CFDP1: variants seen among roughly 807,000 people sequenced by gnomAD.
The protein encoded by CFDP1 is heterochromatin-stabilizing protein CFDP1.
A neutral mutation model predicts 40.1 loss-of-function variants in CFDP1; 31 were observed. The observed-to-expected ratio is 0.77, with a 90% CI of 0.58 to 1.04. The LOEUF is 1.04. CFDP1 is among the 50% of genes least tolerant of loss of function. The pLI, the probability that CFDP1 is intolerant of heterozygous loss-of-function variation, is 0.00. For synonymous variants in CFDP1, 167 were observed against 120.0 expected, an observed-to-expected ratio of 1.39 and a Z score of -2.56; for missense variants, 423 against 343.4, an observed-to-expected ratio of 1.23 and a Z score of -1.83.
intron 5 of CFDP1, among the ~76,000 whole-genome samples, chr16:75,356,115 G>T (rs1220477357): frequency 2.0e-5 from 3 of 152,156 alleles, no homozygotes; most frequent in Non-Finnish European, 4.4e-5. Flanking sequence ...ATGGCATCTA[G>T]GATAGTGAAT....
chr16:75,346,335 G>C (rs886129817), intron 5 of CFDP1, among the ~76,000 whole-genome samples: 5 of 152,162 alleles, frequency 3.3e-5, no homozygotes, highest in Admixed American at 2.0e-4. Flanking sequence ...TGTAATTCCA[G>C]CACTTTGGCA....
At chr16:75,375,565 G>A (rs968905728) in intron 5 of CFDP1, among the ~76,000 whole-genome samples, 2 of 152,126 alleles carry the variant, frequency 1.3e-5, no homozygotes, top group Non-Finnish European at 2.9e-5. Context: ...GCCGAGGCGG[G>A]TGGATCACCT....
chr16:75,336,192 T>G (rs1400399259), intron 5 of CFDP1, among the ~76,000 whole-genome samples: 2 of 152,130 alleles, frequency 1.3e-5, no homozygotes, highest in Non-Finnish European at 2.9e-5. Context: ...CAGACATTGT[T>G]CTAGGAGGTG....
At chr16:75,334,207 C>T (rs2078468754) in intron 5 of CFDP1, among the ~76,000 whole-genome samples, 1 of 151,428 alleles carries the variant, frequency 6.6e-6, no homozygotes, top group Admixed American at 6.6e-5. Context: ...AGCACCCTAA[C>T]CCTAACCCTA....
intron 5 of CFDP1, among the ~76,000 whole-genome samples, chr16:75,352,205 G>T (rs111459915): frequency 0.077 from 11,686 of 151,714 alleles, 460 homozygotes; most frequent in Middle Eastern, 0.13. Flanking sequence ...GCCAGGCATG[G>T]TGGTGCGTGC....
At chr16:75,346,899 A>T (rs4081763) in intron 5 of CFDP1, among the ~76,000 whole-genome samples, 38,097 of 151,900 alleles carry the variant, frequency 0.25, 5,719 homozygotes, top group African/African-American at 0.42. Flanking sequence ...AATTCTGCTT[A>T]GCTTGGGAAA....
At chr16:75,300,317 C>T (rs922336524) in intron 6 of CFDP1, among the ~76,000 whole-genome samples, 6 of 152,074 alleles carry the variant, frequency 3.9e-5, no homozygotes, top group African/African-American at 7.2e-5. Context: ...GACAGAGTTT[C>T]GCTCTTGTTG....
chr16:75,333,395 T>C (rs2078462438), intron 5 of CFDP1, among the ~76,000 whole-genome samples: 1 of 152,192 alleles, frequency 6.6e-6, no homozygotes, highest in Non-Finnish European at 1.5e-5. Flanking sequence ...AGTGCTGGGA[T>C]TACAGGCATG....
At chr16:75,326,633 C>A (rs968288735) in intron 5 of CFDP1, among the ~76,000 whole-genome samples, 1 of 152,178 alleles carries the variant, frequency 6.6e-6, no homozygotes, top group Non-Finnish European at 1.5e-5. Context: ...CAAAAAGGAA[C>A]TGGTGCTTCT....
chr16:75,299,677 A>T (rs2151497960), intron 6 of CFDP1, among the ~76,000 whole-genome samples: 1 of 152,218 alleles, frequency 6.6e-6, no homozygotes, highest in East Asian at 1.9e-4. Context: ...GGGTGTTTAG[A>T]CACTGCCATG....
At position 75,330,977 on chromosome 16, in the gene CFDP1, A is replaced by C. The variant is rs1027828049; in HGVS notation, c.651-25795T>G. On this transcript the variant is annotated intron_variant, in intron 5 of 6. Transcript: ENST00000283882. Reference sequence around the variant, plus strand: ...TTCCAATTATTAAAAAAAAAAAAAAAAAAAAAAACACAAAGTGGGCCTTAT... The same window carrying C: ...TTCCAATTATTAAAAAAAAAAAAAACAAAAAAAACACAAAGTGGGCCTTAT... Among the ~76,000 whole-genome samples, 89 of 151,752 alleles carry C rather than the reference A, an allele frequency of 5.9e-4. 1 individual carries two copies. Among genetic ancestry groups the C allele is most frequent in the Non-Finnish European group, 8.5e-4 (58 of 67,888 alleles).
At chr16:75,331,251 C>A (rs1398073128) in intron 5 of CFDP1, among the ~76,000 whole-genome samples, 1 of 152,170 alleles carries the variant, frequency 6.6e-6, no homozygotes, top group Non-Finnish European at 1.5e-5. Context: ...TCAAAACTTA[C>A]ATACAGTGAA....
chr16:75,346,082 T>C (rs1432223959), intron 5 of CFDP1, among the ~76,000 whole-genome samples: 1 of 152,256 alleles, frequency 6.6e-6, no homozygotes, highest in African/African-American at 2.4e-5. Flanking sequence ...GTACTCCCAA[T>C]GCATCTCCCA....
chr16:75,395,451 G>C (rs936007479), intron 4 of CFDP1, among the ~76,000 whole-genome samples: 3 of 152,132 alleles, frequency 2.0e-5, no homozygotes, highest in Non-Finnish European at 4.4e-5. Context: ...ACAAGGTCAA[G>C]AGATCGAAAC....
chr16:75,413,628 A>G (rs1374998574), intron 2 of CFDP1, among the ~76,000 whole-genome samples: 2 of 151,446 alleles, frequency 1.3e-5, no homozygotes, highest in East Asian at 3.8e-4. Context: ...ATTGCTTCTT[A>G]GACTATTTTG....
At chr16:75,372,770 C>G (rs1006234051) in intron 5 of CFDP1, among the ~76,000 whole-genome samples, 1 of 152,138 alleles carries the variant, frequency 6.6e-6, no homozygotes, top group African/African-American at 2.4e-5. Flanking sequence ...ATTGCTGTCA[C>G]TCACAGTTAA....
At chr16:75,312,650 C>T (rs1423473962) in intron 5 of CFDP1, among the ~76,000 whole-genome samples, 1 of 152,164 alleles carries the variant, frequency 6.6e-6, no homozygotes, top group African/African-American at 2.4e-5. Flanking sequence ...TCTCCAGAAA[C>T]ATATTACAGA....
At chr16:75,346,830 A>G (rs1373145296) in intron 5 of CFDP1, among the ~76,000 whole-genome samples, 1 of 151,852 alleles carries the variant, frequency 6.6e-6, no homozygotes, top group Non-Finnish European at 1.5e-5. Context: ...TTTGCTGCCT[A>G]ATCAAAACTC....
At chr16:75,301,113 C>A (rs960714452) in intron 6 of CFDP1, among the ~76,000 whole-genome samples, 1 of 152,156 alleles carries the variant, frequency 6.6e-6, no homozygotes, top group East Asian at 1.9e-4. Context: ...AAAGCGAGCA[C>A]AGGACTCATG....
Sources: allele counts gnomAD v4.1 joint callset (sites outside exome capture counted in the v4.1 genomes callset), GRCh38; gene constraint gnomAD v4.1.1; transcripts MANE v1.5; gene names NCBI Gene and HGNC (gene_info 2026-07-23, HGNC 2026-07-21).